Variants in LIAT1 observed in about 807,000 individuals in gnomAD.
The protein encoded by LIAT1 is protein LIAT1.
chr17:412,990 C>A, the LIAT1 span: 1 of 719,448 alleles, frequency 1.4e-6, no homozygotes, highest in Non-Finnish European at 2.3e-6. Context: ...CAAAATCACA[C>A]AGGCAGGTGG....
the LIAT1 span, chr17:410,564 A>C: frequency 6.5e-7 from 1 of 1,546,830 alleles, no homozygotes; most frequent in Non-Finnish European, 8.7e-7. Context: ...CCCCCATCAC[A>C]GGCGGCGCCT....
chr17:410,351 G>A, the LIAT1 span: 7 of 1,482,420 alleles, frequency 4.7e-6, no homozygotes, highest in East Asian at 2.5e-5. Flanking sequence ...CCATGGAGAC[G>A]CGTGGCCCTG....
chr17:414,303 A>G, the LIAT1 span: 1 of 648,860 alleles, frequency 1.5e-6, no homozygotes, highest in East Asian at 2.6e-5. The surrounding 1 kb of genome is among the most constrained non-coding windows in gnomAD (Gnocchi z 4.1). Flanking sequence ...TGCCTTGAGA[A>G]CATAAGCAAT....
chr17:410,577 G>C, the LIAT1 span: 8 of 1,546,560 alleles, frequency 5.2e-6, no homozygotes, highest in East Asian at 9.8e-5. Flanking sequence ...CGGCGCCTCC[G>C]AGCTGGCCAA....
the LIAT1 span, chr17:413,004 C>G: frequency 9.7e-6 from 8 of 827,098 alleles, no homozygotes; most frequent in South Asian, 1.0e-4. Context: ...CAGGTGGGCA[C>G]GAGGCTGGTG....
the LIAT1 span, chr17:413,912 C>A: frequency 5.0e-5 from 80 of 1,600,118 alleles, no homozygotes; most frequent in African/African-American, 9.7e-4. Context: ...GGGCTTCCAC[C>A]CCGACCCCGA....
At chr17:410,498 C>T in the LIAT1 span, 3 of 1,544,402 alleles carry the variant, frequency 1.9e-6, no homozygotes, top group East Asian at 2.4e-5. Flanking sequence ...AGGACAACGA[C>T]GGCGAGGAGG....
the LIAT1 span, among the ~76,000 whole-genome samples, chr17:410,817 C>A: frequency 1.3e-5 from 2 of 152,146 alleles, no homozygotes; most frequent in African/African-American, 2.4e-5. Flanking sequence ...CCCAGCCCCA[C>A]CCGTGGAGAC....
At chr17:413,035 G>A in the LIAT1 span, 28 of 1,253,326 alleles carry the variant, frequency 2.2e-5, no homozygotes, top group Non-Finnish European at 3.1e-5. Context: ...CCTGAGCCCT[G>A]GGTACGGAGG....
At chr17:414,120 C>G in the LIAT1 span, 1 of 1,607,976 alleles carries the variant, frequency 6.2e-7, no homozygotes, top group African/African-American at 1.3e-5. This position sits in a 1 kb window ranked among gnomAD's most constrained non-coding sequence, Gnocchi z 4.1. Flanking sequence ...GAGTGAAAAT[C>G]TACCCACGAC....
chr17:410,553 C>T, the LIAT1 span: 3 of 1,546,360 alleles, frequency 1.9e-6, no homozygotes, highest in Non-Finnish European at 2.6e-6. Context: ...GTCTAGACTG[C>T]CCCCCATCAC....
the LIAT1 span, chr17:413,354 C>T: frequency 1.3e-4 from 213 of 1,614,252 alleles, 2 homozygotes; most frequent in East Asian, 3.5e-3. Context: ...CGAAAGTCTG[C>T]GTTGGGATGG....
chr17:413,629 C>T, the LIAT1 span: 1 of 1,558,390 alleles, frequency 6.4e-7, no homozygotes, highest in Non-Finnish European at 8.7e-7. Context: ...CCGAGGCCCT[C>T]AAGGGCTTCC....
At chr17:413,152 A>G in the LIAT1 span, 1 of 1,613,704 alleles carries the variant, frequency 6.2e-7, no homozygotes, top group Non-Finnish European at 8.5e-7. Flanking sequence ...CAGCAGATAA[A>G]CATCAGAGTC....
the LIAT1 span, chr17:413,963 G>A: frequency 6.2e-7 from 1 of 1,614,100 alleles, no homozygotes. Flanking sequence ...TGCCGAGGAG[G>A]CCCCTGAGAA....
the LIAT1 span, chr17:414,326 G>A: frequency 1.8e-6 from 1 of 570,668 alleles, no homozygotes; most frequent in Non-Finnish European, 3.1e-6. This position sits in a 1 kb window ranked among gnomAD's most constrained non-coding sequence, Gnocchi z 4.1. Flanking sequence ...AGTGAACAGA[G>A]TTCTTTTCAG....
chr17:411,423 C>T, the LIAT1 span, among the ~76,000 whole-genome samples: 2 of 152,164 alleles, frequency 1.3e-5, no homozygotes, highest in Non-Finnish European at 2.9e-5. Context: ...AATCCGAGCA[C>T]TTTGGGAGGC....
At chr17:413,097 G>A in the LIAT1 span, 4 of 1,587,772 alleles carry the variant, frequency 2.5e-6, no homozygotes, top group African/African-American at 5.4e-5. Context: ...ATCCCCAGCA[G>A]GCCAAGGTCA....
chr17:411,546 C>T, the LIAT1 span, among the ~76,000 whole-genome samples: 1 of 152,102 alleles, frequency 6.6e-6, no homozygotes, highest in Non-Finnish European at 1.5e-5. Context: ...AAAAAACAAA[C>T]AAGAAAACTA....
Sources: allele counts gnomAD v4.1 joint callset (sites outside exome capture counted in the v4.1 genomes callset), GRCh38; gene constraint gnomAD v4.1.1; non-coding constraint Gnocchi (gnomAD v3.1); transcripts MANE v1.5; gene names NCBI Gene and HGNC (gene_info 2026-07-23, HGNC 2026-07-21).